Variants in EXOC6B observed in about 807,000 individuals in gnomAD.
EXOC6B encodes SEC15 homolog B.
In EXOC6B, 54 loss-of-function variants were observed where a neutral mutation model predicts 113.5. The observed-to-expected ratio is 0.48, with a 90% CI of 0.38 to 0.60. The LOEUF is 0.60. Ranked by LOEUF, EXOC6B falls within the 20% of genes least tolerant of loss-of-function variation. The pLI, the probability that EXOC6B is intolerant of heterozygous loss-of-function variation, is 0.00. For missense variants in EXOC6B, 797 were observed against 977.5 expected (o/e 0.82, Z 2.46); for synonymous variants, 357 against 339.0 (o/e 1.05, Z -0.58).
chr2:72,648,157 C>T (rs1673880890), intron 6 of EXOC6B, among the ~76,000 whole-genome samples: 1 of 152,188 alleles, frequency 6.6e-6, no homozygotes, highest in Non-Finnish European at 1.5e-5. Flanking sequence ...GACATTTATG[C>T]AGCCAACAGA....
chr2:72,267,961 A>G (rs1267152123), intron 20 of EXOC6B, among the ~76,000 whole-genome samples: 1 of 152,256 alleles, frequency 6.6e-6, no homozygotes, highest in African/African-American at 2.4e-5. Flanking sequence ...ACAAGGAAAC[A>G]AACATAAGTA....
intron 20 of EXOC6B, among the ~76,000 whole-genome samples, chr2:72,310,850 AACACACACACACACACACACACAC>A (rs375159478): frequency 8.3e-6 from 1 of 120,288 alleles, no homozygotes; most frequent in Non-Finnish European, 1.7e-5. Context: ...TATTTCATTT[AACACACACACACACACACACACAC>A]ACACACACAC....
chr2:72,791,557 A>C (rs1201721975), intron 1 of EXOC6B, among the ~76,000 whole-genome samples: 1 of 152,224 alleles, frequency 6.6e-6, no homozygotes, highest in Non-Finnish European at 1.5e-5. Context: ...AAAAAACTAA[A>C]TATATAAATA....
chr2:72,201,619 C>A (rs1379782963), intron 20 of EXOC6B, among the ~76,000 whole-genome samples: 1 of 152,212 alleles, frequency 6.6e-6, no homozygotes, highest in African/African-American at 2.4e-5. Flanking sequence ...GTAAAGCTGA[C>A]ATCACTATGC....
intron 19 of EXOC6B, among the ~76,000 whole-genome samples, chr2:72,339,495 C>T (rs1379350214): frequency 1.3e-5 from 2 of 152,116 alleles, no homozygotes; most frequent in Admixed American, 1.3e-4. Flanking sequence ...TACTGGGAGA[C>T]TGAATCAAAG....
chr2:72,770,098 G>A (rs1683327835), intron 1 of EXOC6B, among the ~76,000 whole-genome samples: 1 of 152,002 alleles, frequency 6.6e-6, no homozygotes, highest in Non-Finnish European at 1.5e-5. Context: ...GCAACTACTA[G>A]AGGAGGAACA....
chr2:72,398,254 C>A (rs1256726051), intron 18 of EXOC6B, among the ~76,000 whole-genome samples: 3 of 152,156 alleles, frequency 2.0e-5, no homozygotes, highest in Non-Finnish European at 2.9e-5. Context: ...GGCCTTTGGA[C>A]CCAACTAAAG....
chr2:72,650,807 A>G (rs1034111568), intron 6 of EXOC6B, among the ~76,000 whole-genome samples: 2 of 152,014 alleles, frequency 1.3e-5, no homozygotes, highest in Admixed American at 6.6e-5. Context: ...AATGCAGAGA[A>G]ATCAGATCCT....
chr2:72,332,792 T>A (rs528631840), intron 20 of EXOC6B, among the ~76,000 whole-genome samples: 2 of 152,270 alleles, frequency 1.3e-5, no homozygotes, highest in Non-Finnish European at 2.9e-5. Context: ...AGTCCCAGGT[T>A]TTCTGTTTAG....
chr2:72,423,619 C>T (rs761938906), intron 18 of EXOC6B, among the ~76,000 whole-genome samples: 1 of 152,106 alleles, frequency 6.6e-6, no homozygotes, highest in Non-Finnish European at 1.5e-5. Flanking sequence ...TACATAACTG[C>T]TTTAGCTACC....
chr2:72,293,528 T>C (rs1449701393), intron 20 of EXOC6B, among the ~76,000 whole-genome samples: 1 of 152,090 alleles, frequency 6.6e-6, no homozygotes, highest in South Asian at 2.1e-4. Flanking sequence ...CCTAAGTAGA[T>C]AGGAATTGCA....
At chr2:72,650,243 T>C (rs1264097856) in intron 6 of EXOC6B, among the ~76,000 whole-genome samples, 1 of 152,182 alleles carries the variant, frequency 6.6e-6, no homozygotes, top group Non-Finnish European at 1.5e-5. Flanking sequence ...CATCAGTTTG[T>C]GGAAAAATTG....
At chr2:72,189,562 A>G (rs191614307) in intron 20 of EXOC6B, among the ~76,000 whole-genome samples, 1 of 152,286 alleles carries the variant, frequency 6.6e-6, no homozygotes, top group Non-Finnish European at 1.5e-5. Flanking sequence ...TTCTTGCCTA[A>G]CCCAATCTTT....
intron 1 of EXOC6B, among the ~76,000 whole-genome samples, chr2:72,783,990 T>C (rs1372924825): frequency 3.9e-5 from 6 of 152,226 alleles, no homozygotes; most frequent in African/African-American, 1.2e-4. Context: ...TTATGTTTAA[T>C]GTTTATGTTA....
At chr2:72,411,748 G>A (rs1225882875) in intron 18 of EXOC6B, among the ~76,000 whole-genome samples, 1 of 152,112 alleles carries the variant, frequency 6.6e-6, no homozygotes, top group Non-Finnish European at 1.5e-5. Context: ...AGCTCAGTAG[G>A]TATATAACCT....
At chr2:72,418,929 T>A (rs751517608) in intron 18 of EXOC6B, among the ~76,000 whole-genome samples, 1 of 152,164 alleles carries the variant, frequency 6.6e-6, no homozygotes, top group Non-Finnish European at 1.5e-5. Context: ...ATTAGTTAAT[T>A]TTTTTGTAGT....
At chr2:72,210,210 C>T (rs1680101208) in intron 20 of EXOC6B, among the ~76,000 whole-genome samples, 1 of 152,120 alleles carries the variant, frequency 6.6e-6, no homozygotes, top group South Asian at 2.1e-4. Flanking sequence ...CTCTGATTTA[C>T]TGTCATGCAA....
At chr2:72,299,922 A>G (rs1201665751) in intron 20 of EXOC6B, among the ~76,000 whole-genome samples, 1 of 152,098 alleles carries the variant, frequency 6.6e-6, no homozygotes, top group Admixed American at 6.5e-5. Context: ...ACTTCGTCCC[A>G]GAGCTCTAGA....
intron 18 of EXOC6B, among the ~76,000 whole-genome samples, chr2:72,409,787 C>T (rs190017098): frequency 6.6e-6 from 1 of 152,014 alleles, no homozygotes; most frequent in East Asian, 1.9e-4. Context: ...TTAATGGGTG[C>T]AGCACACCAA....
Sources: allele counts gnomAD v4.1 joint callset (sites outside exome capture counted in the v4.1 genomes callset), GRCh38; gene constraint gnomAD v4.1.1; transcripts MANE v1.5; gene names NCBI Gene and HGNC (gene_info 2026-07-23, HGNC 2026-07-21).